Variants in IGF1 observed in about 807,000 individuals in gnomAD.
The protein encoded by IGF1 is insulin like growth factor 1, also known as insulin-like growth factor 1.
In IGF1, 4 loss-of-function variants were observed where a neutral mutation model predicts 13.8. That is an observed-to-expected ratio of 0.29 (90% confidence interval 0.14 to 0.66). IGF1 has a LOEUF of 0.66. Ranked by LOEUF, IGF1 falls within the 30% of genes least tolerant of loss-of-function variation. The pLI is 0.78. For missense variants in IGF1, 124 were observed against 188.5 expected (o/e 0.66, Z 2.00); for synonymous variants, 76 against 72.6 (o/e 1.05, Z -0.23).
chr12:102,425,516 T>G (rs1187085133), intron 2 of IGF1, among the ~76,000 whole-genome samples: 1 of 152,130 alleles, frequency 6.6e-6, no homozygotes, highest in Non-Finnish European at 1.5e-5. Context: ...CGTTACCCAA[T>G]CAAGTCAATG....
intron 2 of IGF1, among the ~76,000 whole-genome samples, chr12:102,425,899 T>A (rs899197269): frequency 2.0e-5 from 3 of 152,180 alleles, no homozygotes; most frequent in Admixed American, 1.3e-4. Flanking sequence ...CCAACAAAAT[T>A]ATACTTTGGC....
intron 2 of IGF1, among the ~76,000 whole-genome samples, chr12:102,435,795 C>T (rs750158729): frequency 3.9e-5 from 6 of 152,194 alleles, no homozygotes; most frequent in Non-Finnish European, 8.8e-5. Flanking sequence ...GCATGTTTAT[C>T]ACCTGGATGG....
chr12:102,415,580 T>TTCCG (rs1565966847), intron 3 of IGF1: 9 of 136,022 alleles, frequency 6.6e-5, no homozygotes, highest in African/African-American at 2.3e-4. Context: ...CCTTCCTTCC[T>TTCCG]TCCTTCCTTC....
chr12:102,459,146 C>A (rs1014133976), intron 2 of IGF1, among the ~76,000 whole-genome samples: 2 of 152,092 alleles, frequency 1.3e-5, no homozygotes, highest in Admixed American at 1.3e-4. Context: ...CACAAAAACA[C>A]TTATGAGGAC....
intron 2 of IGF1, among the ~76,000 whole-genome samples, chr12:102,421,214 T>G (rs546386648): frequency 6.6e-6 from 1 of 152,162 alleles, no homozygotes; most frequent in Non-Finnish European, 1.5e-5. Context: ...GAGGGTTCAT[T>G]TGTGGTCTTT....
chr12:102,449,367 G>A (rs1438590997), intron 2 of IGF1, among the ~76,000 whole-genome samples: 1 of 151,424 alleles, frequency 6.6e-6, no homozygotes, highest in African/African-American at 2.4e-5. Flanking sequence ...GACACAGGGA[G>A]GGGAACATCA....
chr12:102,476,601 T>C (rs1881064900), intron 1 of IGF1, among the ~76,000 whole-genome samples: 1 of 152,166 alleles, frequency 6.6e-6, no homozygotes, highest in South Asian at 2.1e-4. Context: ...CAATATCAAA[T>C]CAACACGTGT....
At chr12:102,465,036 A>G (rs973783770) in intron 2 of IGF1, among the ~76,000 whole-genome samples, 1 of 152,184 alleles carries the variant, frequency 6.6e-6, no homozygotes, top group African/African-American at 2.4e-5. Flanking sequence ...AATGAGAGGA[A>G]ATAGTGATAC....
intron 2 of IGF1, among the ~76,000 whole-genome samples, chr12:102,467,976 G>A (rs182439834): frequency 1.3e-5 from 2 of 152,242 alleles, no homozygotes; most frequent in Non-Finnish European, 2.9e-5. Flanking sequence ...TTTGATACAT[G>A]ACTAGATTGC....
At chr12:102,441,953 T>TTCTTCTTCTTCTTTCTTCTTCTTC (rs1555244154) in intron 2 of IGF1, among the ~76,000 whole-genome samples, 3 of 140,206 alleles carry the variant, frequency 2.1e-5, no homozygotes, top group Non-Finnish European at 3.1e-5. Flanking sequence ...CTTCTTCTTC[T>TTCTTCTTCTTCTTTCTTCTTCTTC]TCTTTTTTTT....
chr12:102,444,885 G>A (rs1167909848), intron 2 of IGF1, among the ~76,000 whole-genome samples: 3 of 152,078 alleles, frequency 2.0e-5, no homozygotes, highest in African/African-American at 4.8e-5. Flanking sequence ...TACAAGGACC[G>A]TGCAGAGGAC....
rs397825972 is a variant in IGF1, at chr12:102,458,730, C to CAAAAAAAAAAAAAAAAAAAA, written c.220+16912_220+16913insTTTTTTTTTTTTTTTTTTTT. ...TTAAGCAGATGGTAGGAACACTGAC[C>CAAAAAAAAAAAAAAAAAAAA]AAAAAAAAAAAAAAAAACCAAAAAC... On this transcript the variant is annotated intron_variant, in intron 2 of 3. Transcript: ENST00000337514. 1.1e-4 allele frequency among the ~76,000 whole-genome samples: 8 copies of CAAAAAAAAAAAAAAAAAAAA among 73,418 alleles called. 1 individual carries two copies. The highest frequency in any genetic ancestry group is 2.6e-4 in the African/African-American group (5 of 19,164). The allele number at this position is 73,418 out of a possible 152,430, so 48.2% of individuals were successfully genotyped here.
chr12:102,404,963 TG>T (rs1404699857), intron 3 of IGF1, among the ~76,000 whole-genome samples: 1 of 152,126 alleles, frequency 6.6e-6, no homozygotes, highest in Non-Finnish European at 1.5e-5. Flanking sequence ...TTCACCATAT[TG>T]GCCAGGTTGG....
intron 2 of IGF1, among the ~76,000 whole-genome samples, chr12:102,458,730 C>CAAAAAAAAAAAAAAAAA (rs397825972): frequency 8.5e-4 from 62 of 73,346 alleles, no homozygotes; most frequent in Non-Finnish European, 1.0e-3. Context: ...GAACACTGAC[C>CAAAAAAAAAAAAAAAAA]AAAAAAAAAA....
At chr12:102,406,348 T>G (rs1490155284) in intron 3 of IGF1, among the ~76,000 whole-genome samples, 1 of 152,206 alleles carries the variant, frequency 6.6e-6, no homozygotes, top group African/African-American at 2.4e-5. Context: ...GGCACCCACC[T>G]TTGGTGCACT....
intron 1 of IGF1, among the ~76,000 whole-genome samples, chr12:102,477,363 G>A (rs899023247): frequency 6.6e-6 from 1 of 151,582 alleles, no homozygotes; most frequent in Non-Finnish European, 1.5e-5. Context: ...GATGAAAAGC[G>A]CCCTCTATTT....
At chr12:102,468,129 C>T (rs1371000964) in intron 2 of IGF1, among the ~76,000 whole-genome samples, 1 of 152,158 alleles carries the variant, frequency 6.6e-6, no homozygotes, top group Non-Finnish European at 1.5e-5. Flanking sequence ...TTGGGTATTT[C>T]CTCCCCTCTT....
At chr12:102,435,045 A>T (rs530690910) in intron 2 of IGF1, among the ~76,000 whole-genome samples, 1 of 152,362 alleles carries the variant, frequency 6.6e-6, no homozygotes, top group East Asian at 1.9e-4. Flanking sequence ...CACATTTTTA[A>T]AATACAGTAT....
At chr12:102,449,705 C>A (rs1161614117) in intron 2 of IGF1, among the ~76,000 whole-genome samples, 1 of 145,210 alleles carries the variant, frequency 6.9e-6, no homozygotes, top group African/African-American at 2.5e-5. Context: ...GAGGCCTGTG[C>A]TGACATTCCT....
Sources: allele counts gnomAD v4.1 joint callset (sites outside exome capture counted in the v4.1 genomes callset), GRCh38; gene constraint gnomAD v4.1.1; transcripts MANE v1.5; gene names NCBI Gene and HGNC (gene_info 2026-07-23, HGNC 2026-07-21).